Variants in PLEKHA7 observed in about 807,000 individuals in gnomAD.
PLEKHA7 encodes pleckstrin homology domain-containing family A member 7.
In PLEKHA7, 104 loss-of-function variants were observed where a neutral mutation model predicts 170.0. The observed-to-expected ratio is 0.61, with a 90% confidence interval of 0.52 to 0.72. The LOEUF is 0.72. Ranked by LOEUF, PLEKHA7 falls within the 30% of genes least tolerant of loss-of-function variation. The pLI is 0.00. For missense variants in PLEKHA7, 1,615 were observed against 1,671.7 expected (o/e 0.97, Z 0.59); for synonymous variants, 648 against 660.8 (o/e 0.98, Z 0.30).
chr11:16,832,462 A>G (rs1273059483), intron 9 of PLEKHA7, among the ~76,000 whole-genome samples: 3 of 152,148 alleles, frequency 2.0e-5, no homozygotes, highest in Admixed American at 2.0e-4. Flanking sequence ...CTTCTCTCTT[A>G]TTTCTTTTCT....
At chr11:16,788,931 G>T (rs568714587) in intron 23 of PLEKHA7, 165 bp downstream of exon 23, 3 of 849,776 alleles carry the variant, frequency 3.5e-6, no homozygotes, top group African/African-American at 1.7e-5. Flanking sequence ...CCAGGCATTC[G>T]TCCAGCCTGG....
At chr11:16,931,293 A>G (rs1859903560) in intron 3 of PLEKHA7, among the ~76,000 whole-genome samples, 1 of 152,098 alleles carries the variant, frequency 6.6e-6, no homozygotes, top group Non-Finnish European at 1.5e-5. Context: ...ATTTTAGCAA[A>G]CCCTCAGTGA....
chr11:16,910,939 C>T (rs1858204189), intron 3 of PLEKHA7, among the ~76,000 whole-genome samples: 1 of 152,226 alleles, frequency 6.6e-6, no homozygotes, highest in Non-Finnish European at 1.5e-5. Flanking sequence ...GGGCAAGTCA[C>T]TTAACCACTC....
At position 16,826,324 on chromosome 11, in the gene PLEKHA7, C is replaced by T; in HGVS notation, c.1139G>A (p.Gly380Asp). ...GGGCTGTGCCTGCTGGCCTCTTGGG[C>T]CAGTGGGTAAATCCATAAACAAGGC... Reference protein sequence around the residue: ...EDALFMDLPTGPRGQQAQPQR... With the variant: ...EDALFMDLPTDPRGQQAQPQR... The change falls in exon 10 of 27, where the codon GGC (glycine) becomes GAC (aspartate). Residue 380 changes from glycine (G) to aspartate (D), a missense_variant. Gly to Asp is a moderately conservative substitution (Grantham distance 94). Transcript: ENST00000531066. The T allele has an allele frequency of 6.2e-7, 1 of 1,614,220 alleles. No individual in the cohort carries two copies. Among genetic ancestry groups the T allele is most frequent in the African/African-American group, 1.3e-5 (1 of 75,064 alleles).
chr11:16,847,090 C>CTTTTTTT (rs59132787), intron 8 of PLEKHA7, among the ~76,000 whole-genome samples: 40 of 70,814 alleles, frequency 5.6e-4, no homozygotes, highest in African/African-American at 6.8e-4. Context: ...TTTTTTTTTT[C>CTTTTTTT]TTTTTTTTTT....
At chr11:16,957,689 A>ATATTTTTTTTTTTTTTTTTTTT (rs1420004461) in intron 3 of PLEKHA7, among the ~76,000 whole-genome samples, 1 of 118,226 alleles carries the variant, frequency 8.5e-6, no homozygotes. Flanking sequence ...TACCTCAATA[A>ATATTTTTTTTTTTTTTTTTTTT]TTTTTTTCTT....
intron 4 of PLEKHA7, among the ~76,000 whole-genome samples, chr11:16,867,747 C>T (rs1311102924): frequency 6.6e-6 from 1 of 152,170 alleles, no homozygotes; most frequent in African/African-American, 2.4e-5. Flanking sequence ...CAAACCTCCA[C>T]TGCAAGTCAG....
chr11:16,826,157 C>T lies in PLEKHA7; in HGVS notation c.1306G>A (p.Glu436Lys). Residue 436 changes from glutamate to lysine, a missense_variant, in exon 10 of 27, where the codon GAG becomes AAG. Coordinates refer to ENST00000531066, the MANE Select transcript of PLEKHA7 (RefSeq NM_001329630.2). ...SQRKSNLAQV[E>K]HWARAQKGDS... ...CCTTTCTGGGCCCTTGCCCAGTGCT[C>T]CACCTGGGCCAGATTGCTCTTCCTT... 6.2e-7 allele frequency: 1 copy of T among 1,614,224 alleles called. No individual in the cohort carries two copies. Among genetic ancestry groups the T allele is most frequent in the East Asian group, 2.2e-5 (1 of 44,878 alleles).
intron 26 of PLEKHA7, chr11:16,781,208 G>A (rs912620835): frequency 3.8e-5 from 6 of 158,024 alleles, no homozygotes; most frequent in Admixed American, 1.3e-4. Flanking sequence ...ACGGGGCCTG[G>A]TGGGGAACCG....
chr11:16,992,594 A>G (rs554950376), intron 3 of PLEKHA7, among the ~76,000 whole-genome samples: 2 of 152,120 alleles, frequency 1.3e-5, no homozygotes, highest in African/African-American at 4.8e-5. Context: ...TGTCTCTACT[A>G]AAAATACAAA....
intron 3 of PLEKHA7, among the ~76,000 whole-genome samples, chr11:16,992,165 G>C (rs1418047990): frequency 6.6e-6 from 1 of 152,120 alleles, no homozygotes; most frequent in Non-Finnish European, 1.5e-5. Context: ...GGAAGGGAGT[G>C]GGGGAAGCTC....
intron 3 of PLEKHA7, among the ~76,000 whole-genome samples, chr11:16,956,767 G>A (rs888355629): frequency 1.3e-5 from 2 of 152,132 alleles, no homozygotes; most frequent in African/African-American, 4.8e-5. Flanking sequence ...GGTGCTTCCT[G>A]CACCTGGATG....
intron 3 of PLEKHA7, among the ~76,000 whole-genome samples, chr11:16,872,576 G>A (rs1854946713): frequency 6.6e-6 from 1 of 152,118 alleles, no homozygotes; most frequent in Admixed American, 6.5e-5. Flanking sequence ...TGGGAATGCA[G>A]TGGGGTGATC....
chr11:16,976,803 AC>A (rs1300095705), intron 3 of PLEKHA7, among the ~76,000 whole-genome samples: 1 of 152,170 alleles, frequency 6.6e-6, no homozygotes, highest in Non-Finnish European at 1.5e-5. Context: ...TTAAAGCCAG[AC>A]CCAAGGCAGG....
chr11:16,826,127 T>A lies in PLEKHA7; in HGVS notation c.1336A>T (p.Ser446Cys), dbSNP rs772318430. 2 of 1,613,846 alleles carry A rather than the reference T, an allele frequency of 1.2e-6. No individual in the cohort carries two copies. Among genetic ancestry groups the A allele is most frequent in the South Asian group, 2.2e-5 (2 of 91,066 alleles). The change falls in exon 10 of 27, where the codon AGC becomes TGC. Residue 446 changes from serine to cysteine, a missense_variant. Transcript: ENST00000531066. ...EHWARAQKGD[S>C]RSLPLDQTLP... is the part of the protein sequence containing the mutation. ...CCTGAGTCTATTACTCACCTCCTGC[T>A]ATCCCCTTTCTGGGCCCTTGCCCAG...
At chr11:16,941,962 C>A in intron 3 of PLEKHA7, among the ~76,000 whole-genome samples, 1 of 152,220 alleles carries the variant, frequency 6.6e-6, no homozygotes, top group East Asian at 1.9e-4. Flanking sequence ...ACTGCTGTAC[C>A]CCAGTGTTGC....
intron 3 of PLEKHA7, among the ~76,000 whole-genome samples, chr11:16,922,373 T>C (rs6486322): frequency 0.91 from 138,116 of 152,158 alleles, 63,203 homozygotes; most frequent in Middle Eastern, 0.97. Context: ...ACTTAACAAA[T>C]AGGCAAAGAA....
At chr11:16,931,672 T>G in intron 3 of PLEKHA7, among the ~76,000 whole-genome samples, 1 of 151,604 alleles carries the variant, frequency 6.6e-6, no homozygotes, top group Middle Eastern at 3.4e-3. Context: ...TGAGAATGCC[T>G]TGAACCCAGG....
At chr11:16,989,075 T>C (rs1245183175) in intron 3 of PLEKHA7, among the ~76,000 whole-genome samples, 1 of 152,216 alleles carries the variant, frequency 6.6e-6, no homozygotes, top group African/African-American at 2.4e-5. Context: ...CAGTGCTCCA[T>C]CTGTGATCTC....
Sources: allele counts gnomAD v4.1 joint callset (sites outside exome capture counted in the v4.1 genomes callset), GRCh38; gene constraint gnomAD v4.1.1; transcripts MANE v1.5; gene names NCBI Gene and HGNC (gene_info 2026-07-23, HGNC 2026-07-21).